RNF182: variants seen among roughly 807,000 people sequenced by gnomAD.
RNF182 encodes E3 ubiquitin-protein ligase RNF182.
A neutral mutation model predicts 14.4 loss-of-function variants in RNF182; 15 were observed. That is an observed-to-expected ratio of 1.04 (90% confidence interval 0.70 to 1.60). The LOEUF is 1.60. Among genes scored for constraint, RNF182 ranks in the 40% most tolerant of loss-of-function variants. The pLI is 0.00. For missense variants in RNF182, 268 were observed against 294.8 expected (o/e 0.91, Z 0.67); for synonymous variants, 128 against 122.9 (o/e 1.04, Z -0.27).
chr6:13,945,818 C>A (rs1008458433), intron 1 of RNF182, among the ~76,000 whole-genome samples: 3 of 152,046 alleles, frequency 2.0e-5, no homozygotes, highest in Admixed American at 1.3e-4. Flanking sequence ...GGATCTGTTA[C>A]CAGAAAGGGG....
chr6:13,935,793 T>C (rs1759094521), intron 1 of RNF182, among the ~76,000 whole-genome samples: 1 of 152,250 alleles, frequency 6.6e-6, no homozygotes, highest in Non-Finnish European at 1.5e-5. Flanking sequence ...TCATTTGAGA[T>C]AGACATCACT....
At chr6:13,962,873 T>G (rs1055083788) in intron 1 of RNF182, among the ~76,000 whole-genome samples, 2 of 152,222 alleles carry the variant, frequency 1.3e-5, no homozygotes, top group Non-Finnish European at 2.9e-5. Context: ...GAAACTCAAC[T>G]TACCCTAAGA....
At chr6:13,972,504 C>G (rs1167913952) in intron 1 of RNF182, among the ~76,000 whole-genome samples, 1 of 152,190 alleles carries the variant, frequency 6.6e-6, no homozygotes, top group Non-Finnish European at 1.5e-5. Context: ...GGCAGCCCCT[C>G]CCATCACAGA....
chr6:13,936,943 G>A (rs1384790907), intron 1 of RNF182, among the ~76,000 whole-genome samples: 1 of 152,134 alleles, frequency 6.6e-6, no homozygotes, highest in Non-Finnish European at 1.5e-5. Flanking sequence ...GGTGGAGTGA[G>A]GTCGAGGAGG....
chr6:13,931,295 A>C (rs1015884486), intron 1 of RNF182, among the ~76,000 whole-genome samples: 2 of 152,240 alleles, frequency 1.3e-5, no homozygotes, highest in Non-Finnish European at 2.9e-5. Context: ...GACAAGGGCT[A>C]CATGAGTGGT....
At chr6:13,948,806 A>G (rs186469145) in intron 1 of RNF182, among the ~76,000 whole-genome samples, 3 of 152,190 alleles carry the variant, frequency 2.0e-5, no homozygotes, top group African/African-American at 7.2e-5. Context: ...TTACCCATTG[A>G]TAGAGGGAAG....
chr6:13,947,204 C>A (rs1759459142), intron 1 of RNF182, among the ~76,000 whole-genome samples: 1 of 152,056 alleles, frequency 6.6e-6, no homozygotes, highest in Non-Finnish European at 1.5e-5. Context: ...TGAGCAGCAG[C>A]CAGAGATCAC....
intron 1 of RNF182, among the ~76,000 whole-genome samples, chr6:13,932,055 A>G (rs570132835): frequency 6.6e-6 from 1 of 152,222 alleles, no homozygotes; most frequent in African/African-American, 2.4e-5. Context: ...TGGACTTCCC[A>G]GTTCCCAGAA....
At chr6:13,973,678 GATT>G (rs111480966) in intron 1 of RNF182, among the ~76,000 whole-genome samples, 5 of 152,284 alleles carry the variant, frequency 3.3e-5, no homozygotes, top group African/African-American at 1.2e-4. Context: ...CTTCTGCCAT[GATT>G]GTGAGGCCTC....
At chr6:13,940,493 C>T (rs1223373943) in intron 1 of RNF182, among the ~76,000 whole-genome samples, 1 of 152,044 alleles carries the variant, frequency 6.6e-6, no homozygotes, top group Non-Finnish European at 1.5e-5. Flanking sequence ...ACAATCTGTG[C>T]CTTTTTTCCC....
At chr6:13,961,345 C>T (rs1050324854) in intron 1 of RNF182, 3 of 152,208 alleles carry the variant, frequency 2.0e-5, no homozygotes, top group Non-Finnish European at 4.4e-5. Context: ...AAAGTATTTA[C>T]ACCTAAATGA....
chr6:13,940,028 C>T (rs1236269698), intron 1 of RNF182, among the ~76,000 whole-genome samples: 1 of 152,074 alleles, frequency 6.6e-6, no homozygotes, highest in Non-Finnish European at 1.5e-5. Flanking sequence ...TGCCTCATTG[C>T]TCTATCTAGG....
chr6:13,944,152 G>A (rs1032510320), intron 1 of RNF182, among the ~76,000 whole-genome samples: 1 of 152,082 alleles, frequency 6.6e-6, no homozygotes, highest in Non-Finnish European at 1.5e-5. Context: ...ACTGTTTCTG[G>A]GTGGTAGAGG....
At chr6:13,966,005 G>A (rs572354117) in intron 1 of RNF182, among the ~76,000 whole-genome samples, 2 of 152,264 alleles carry the variant, frequency 1.3e-5, no homozygotes, top group African/African-American at 4.8e-5. Flanking sequence ...TGGACTGGAA[G>A]TACTCTCCTG....
intron 1 of RNF182, among the ~76,000 whole-genome samples, chr6:13,937,046 T>C (rs1483444702): frequency 6.6e-6 from 1 of 152,138 alleles, no homozygotes; most frequent in Non-Finnish European, 1.5e-5. Context: ...ATGATCAGAT[T>C]TGAGTTTTAG....
intron 2 of RNF182, among the ~76,000 whole-genome samples, 163 bp downstream of exon 2, chr6:13,974,527 G>C (rs933361650): frequency 7.2e-5 from 11 of 152,046 alleles, no homozygotes; most frequent in African/African-American, 2.4e-4. Context: ...ACAAAACAAA[G>C]CTTTGTTTCA....
At chr6:13,937,784 T>C (rs1245220382) in intron 1 of RNF182, among the ~76,000 whole-genome samples, 1 of 151,592 alleles carries the variant, frequency 6.6e-6, no homozygotes, top group Non-Finnish European at 1.5e-5. Context: ...TCAACATCAG[T>C]GTATGAAAGT....
intron 1 of RNF182, chr6:13,961,589 C>T (rs1759884762): frequency 6.6e-6 from 1 of 152,160 alleles, no homozygotes; most frequent in Admixed American, 6.6e-5. Flanking sequence ...TTTTTTCTCT[C>T]TTATTCCTGA....
At chr6:13,960,658 T>A (rs3885772) in intron 1 of RNF182, among the ~76,000 whole-genome samples, 6,710 of 75,980 alleles carry the variant, frequency 0.088, 173 homozygotes, top group African/African-American at 0.14. Flanking sequence ...AGAGAGAGAG[T>A]GTGTGTGTGT....
Sources: gnomAD v4.1 joint callset for allele counts (sites outside exome capture counted in the v4.1 genomes callset) on GRCh38, gnomAD v4.1.1 for gene constraint, MANE v1.5 for transcripts, NCBI Gene and HGNC (gene_info 2026-07-23, HGNC 2026-07-21) for gene names.